Variants in KLF12 observed in about 807,000 individuals in gnomAD.
KLF12 encodes the protein Krueppel-like factor 12.
In KLF12, 9 loss-of-function variants were observed where a neutral mutation model predicts 37.8. The ratio of observed to expected loss-of-function variants is 0.24; its 90% CI spans 0.14 to 0.42. The LOEUF (loss-of-function observed/expected upper bound fraction) is 0.42, where lower values mean the gene tolerates loss of function less well. KLF12 is among the 10% of genes least tolerant of loss of function. KLF12 has a pLI of 1.00. For synonymous variants in KLF12, 208 were observed against 202.1 expected (o/e 1.03, Z -0.25); for missense variants, 411 against 516.0 (o/e 0.80, Z 1.97).
chr13:73,819,094 C>T (rs963040483), intron 4 of KLF12, among the ~76,000 whole-genome samples: 1 of 152,052 alleles, frequency 6.6e-6, no homozygotes, highest in Non-Finnish European at 1.5e-5. Context: ...GAAATTGTTC[C>T]AGAAAAGGAG....
At position 73,978,559 on chromosome 13, in the gene KLF12, T is replaced by C. The variant is rs577836460; in HGVS notation, c.33+16431A>G. 7.2e-5 allele frequency among the ~76,000 whole-genome samples: 11 copies of C among 152,286 alleles called. 1 individual carries two copies. In the South Asian group the frequency reaches 2.3e-3, roughly 32 times the overall value. On this transcript the variant is annotated intron_variant, in intron 2 of 7. Transcript: ENST00000377669. The stretch of plus-strand genomic sequence containing the variant: ...GAAGACAGTTTGTTAGACTCCTAGT[T>C]AGTAAACTAACTCTTACCTTAGGAT...
chr13:73,759,793 G>A (rs944947909), intron 6 of KLF12, among the ~76,000 whole-genome samples: 1 of 152,090 alleles, frequency 6.6e-6, no homozygotes, highest in East Asian at 1.9e-4. Flanking sequence ...TTATAGCCTT[G>A]AAGTTGGTAA....
At chr13:73,951,810 C>T (rs1186676644) in intron 2 of KLF12, among the ~76,000 whole-genome samples, 3 of 152,200 alleles carry the variant, frequency 2.0e-5, no homozygotes, top group African/African-American at 4.8e-5. Context: ...TCTATTCCAT[C>T]ACAGTATTCA....
intron 6 of KLF12, among the ~76,000 whole-genome samples, chr13:73,727,783 C>T (rs1486091860): frequency 2.0e-5 from 3 of 151,818 alleles, no homozygotes; most frequent in East Asian, 1.9e-4. Context: ...CTGCAACCTC[C>T]GTCTCCCGGG....
chr13:74,188,308 A>G, the KLF12 span, among the ~76,000 whole-genome samples: 1 of 152,170 alleles, frequency 6.6e-6, no homozygotes, highest in South Asian at 2.1e-4. Context: ...TGTACCAGTG[A>G]ATAAAACAGA....
At chr13:73,790,079 C>CT (rs1325605192) in intron 5 of KLF12, among the ~76,000 whole-genome samples, 2 of 152,138 alleles carry the variant, frequency 1.3e-5, no homozygotes, top group Non-Finnish European at 2.9e-5. Flanking sequence ...TGTGGTGTGC[C>CT]TGGTGCATAA....
chr13:73,856,969 G>C lies in KLF12; in HGVS notation c.124-10596C>G, dbSNP rs186189720. ...GCCATCACACTCCCAACATGGGTGAGAGAGTGAAACCCTGTCTCAAAAAAT... is the reference window on the plus strand; with the variant it reads ...GCCATCACACTCCCAACATGGGTGACAGAGTGAAACCCTGTCTCAAAAAAT... On this transcript the variant is annotated intron_variant, in intron 3 of 7. Transcript: ENST00000377669. Among the ~76,000 whole-genome samples the C allele has an allele frequency of 1.1e-3, 173 of 152,192 alleles. 1 individual carries two copies. The highest frequency in any genetic ancestry group is 4.1e-3 in the African/African-American group (169 of 41,538).
chr13:73,854,616 T>C (rs1323674654), intron 3 of KLF12, among the ~76,000 whole-genome samples: 1 of 152,198 alleles, frequency 6.6e-6, no homozygotes, highest in Non-Finnish European at 1.5e-5. Context: ...GTAGTATCCA[T>C]GGGGGATTGG....
At chr13:74,204,796 A>C in the KLF12 span, among the ~76,000 whole-genome samples, 10 of 152,094 alleles carry the variant, frequency 6.6e-5, no homozygotes, top group Non-Finnish European at 1.5e-4. Context: ...TTGGTGGATG[A>C]TTGTACCATC....
chr13:73,753,665 T>TAAA, intron 6 of KLF12, among the ~76,000 whole-genome samples: 1 of 141,782 alleles, frequency 7.1e-6, no homozygotes, highest in Non-Finnish European at 1.5e-5. Flanking sequence ...CTACCAAGTG[T>TAAA]AAAAAAAAAA....
At position 74,115,574 on chromosome 13, in the gene KLF12, A is replaced by G. The variant is rs538034252; in HGVS notation, c.-32+18165T>C. ...ACAAAAATTAGCCAGGCGTGATGGC[A>G]GGTACCTATAATCCCAGCTATTCGG... On this transcript the variant is annotated intron_variant, in intron 1 of 7. Coordinates refer to ENST00000377669, the MANE Select transcript of KLF12 (RefSeq NM_007249.5). Among the ~76,000 whole-genome samples, 21 of 152,192 alleles carry G rather than the reference A, an allele frequency of 1.4e-4. No individual in the cohort carries two copies. The South Asian group carries it at 3.9e-3, about 29-fold the overall frequency.
At chr13:73,965,671 G>A (rs1035971546) in intron 2 of KLF12, among the ~76,000 whole-genome samples, 1 of 152,146 alleles carries the variant, frequency 6.6e-6, no homozygotes, top group African/African-American at 2.4e-5. Flanking sequence ...ACTGCACACT[G>A]CTCCAAAACT....
chr13:74,267,102 A>G, the KLF12 span, among the ~76,000 whole-genome samples: 1 of 152,218 alleles, frequency 6.6e-6, no homozygotes, highest in Non-Finnish European at 1.5e-5. Flanking sequence ...GATCTCATGA[A>G]TTATGTAGCA....
chr13:74,233,522 A>G, the KLF12 span, among the ~76,000 whole-genome samples: 1,805 of 152,354 alleles, frequency 0.012, 44 homozygotes, highest in African/African-American at 0.041. Flanking sequence ...CATAATCTGT[A>G]ACACTTAAAT....
chr13:73,705,642 A>T (rs978018221), intron 7 of KLF12, among the ~76,000 whole-genome samples: 1 of 152,082 alleles, frequency 6.6e-6, no homozygotes, highest in African/African-American at 2.4e-5. Context: ...GTCTTTAATA[A>T]TTCCATTAAA....
chr13:73,934,854 C>T (rs1040485272), intron 3 of KLF12, among the ~76,000 whole-genome samples: 3 of 151,982 alleles, frequency 2.0e-5, no homozygotes, highest in African/African-American at 7.2e-5. Context: ...AAGCAACTTG[C>T]TATTGTTCCA....
chr13:73,911,986 G>C (rs543864953), intron 3 of KLF12, among the ~76,000 whole-genome samples: 18 of 152,142 alleles, frequency 1.2e-4, no homozygotes, highest in African/African-American at 4.3e-4. Context: ...TTTTTGTTTT[G>C]TTGCAATAAG....
the KLF12 span, among the ~76,000 whole-genome samples, chr13:74,241,247 A>C: frequency 2.2e-5 from 3 of 138,308 alleles, no homozygotes; most frequent in African/African-American, 3.4e-5. Flanking sequence ...CCTCCCAGTT[A>C]GGCTGCCCGG....
At chr13:73,976,088 G>A (rs1443819204) in intron 2 of KLF12, among the ~76,000 whole-genome samples, 9 of 46,978 alleles carry the variant, frequency 1.9e-4, no homozygotes, top group Admixed American at 1.5e-3. Flanking sequence ...CACATAATAA[G>A]TCATTAAAAA....
Sources: allele counts gnomAD v4.1 joint callset (sites outside exome capture counted in the v4.1 genomes callset), GRCh38; gene constraint gnomAD v4.1.1; transcripts MANE v1.5; gene names NCBI Gene and HGNC (gene_info 2026-07-23, HGNC 2026-07-21).